Variants in FYB2 observed in about 807,000 individuals in gnomAD.
FYB2 encodes the protein FYN binding protein 2.
A neutral mutation model predicts 94.1 loss-of-function variants in FYB2; 103 were observed. That is an observed-to-expected ratio of 1.09 (90% CI 0.93 to 1.29). FYB2 has a LOEUF of 1.29. FYB2 is among the 50% of genes most tolerant of loss of function. FYB2 has a pLI of 0.00. For synonymous variants in FYB2, 293 were observed against 287.9 expected (o/e 1.02, Z -0.18); for missense variants, 896 against 841.5 (o/e 1.06, Z -0.80).
chr1:56,802,957 CTA>C (rs1272481881), intron 1 of FYB2, among the ~76,000 whole-genome samples: 1 of 152,312 alleles, frequency 6.6e-6, no homozygotes, highest in East Asian at 1.9e-4. Flanking sequence ...AGCAGCCTCT[CTA>C]TAAAATCTCT....
chr1:56,768,627 G>T (rs1254986648), intron 4 of FYB2, among the ~76,000 whole-genome samples: 1 of 152,056 alleles, frequency 6.6e-6, no homozygotes, highest in South Asian at 2.1e-4. Flanking sequence ...TCTTCTAAAG[G>T]CAAATCTGAA....
chr1:56,749,499 G>A (rs1645146481), intron 9 of FYB2, among the ~76,000 whole-genome samples: 1 of 151,556 alleles, frequency 6.6e-6, no homozygotes, highest in Non-Finnish European at 1.5e-5. Flanking sequence ...TGTAATCATT[G>A]GCATTTTATC....
Position 56,725,105 on chromosome 1 carries a change from C to T in FYB2, c.1880+1392G>A, listed in dbSNP as rs143742351. ...AGTAGAAGCAGCCTGAGGCCTTCAC[C>T]GAAGCAGATGCCAATGTCATGCTTC... is the stretch of plus-strand genomic sequence containing the variant. On this transcript the variant is annotated intron_variant, in intron 16 of 19. Coordinates refer to ENST00000343433, the MANE Select transcript of FYB2 (RefSeq NM_001004303.5). Among the ~76,000 whole-genome samples the T allele has an allele frequency of 3.0e-4, 46 of 152,082 alleles. 1 individual carries two copies. In the East Asian group the frequency reaches 6.8e-3, roughly 22 times the overall value.
intron 17 of FYB2, chr1:56,720,926 C>T (rs1369194216): frequency 6.6e-6 from 1 of 151,836 alleles, no homozygotes; most frequent in African/African-American, 2.4e-5. Flanking sequence ...TGCCTTAAAG[C>T]TTATAATATT....
intron 1 of FYB2, among the ~76,000 whole-genome samples, chr1:56,804,188 C>T (rs1264703699): frequency 6.6e-6 from 1 of 152,200 alleles, no homozygotes; most frequent in Non-Finnish European, 1.5e-5. Context: ...CAAGTAGATG[C>T]TTCATCTGCC....
intron 15 of FYB2, among the ~76,000 whole-genome samples, chr1:56,727,883 T>A (rs1430225151): frequency 1.3e-5 from 2 of 152,152 alleles, no homozygotes; most frequent in Non-Finnish European, 2.9e-5. Flanking sequence ...TTCAGTGCTA[T>A]GCACTTGTAG....
At position 56,797,020 on chromosome 1, in the gene FYB2, A is replaced by G. The variant is rs143010688; in HGVS notation, c.10-4217T>C. 3.0e-4 allele frequency among the ~76,000 whole-genome samples: 46 copies of G among 152,258 alleles called. No homozygotes were observed. The East Asian group carries it at 8.9e-3, about 29-fold the overall frequency. On this transcript the variant is annotated intron_variant, in intron 1 of 19. Transcript: ENST00000343433. ...TTTTAACATAATACAGGGAATTATT[A>G]AATATATGGCACAAAGTCTGTGGAG... is the stretch of plus-strand genomic sequence containing the variant.
At chr1:56,756,218 G>A (rs750673865) in intron 6 of FYB2, among the ~76,000 whole-genome samples, 6 of 152,160 alleles carry the variant, frequency 3.9e-5, no homozygotes, top group East Asian at 1.9e-4. Flanking sequence ...CATCGGAAAC[G>A]TAAATAACTT....
chr1:56,776,577 G>A (rs527609759), intron 4 of FYB2, among the ~76,000 whole-genome samples: 5 of 152,106 alleles, frequency 3.3e-5, no homozygotes, highest in East Asian at 1.9e-4. Flanking sequence ...AAATGACCAC[G>A]AGCCCTCATT....
chr1:56,750,498 C>A (rs531839503), intron 9 of FYB2, among the ~76,000 whole-genome samples: 1 of 151,884 alleles, frequency 6.6e-6, no homozygotes, highest in Non-Finnish European at 1.5e-5. Context: ...GCTAGGTGAA[C>A]CTCCTTTTCT....
In FYB2 at chr1:56,726,533, T is replaced by C. The variant is rs1305009911; in HGVS notation, c.1844A>G (p.Glu615Gly). ...TTCAGCACCGTTTTTCTCTTTTTTT[T>C]CCTTTGGTGTCAGAAACTTGGGCTT... is the stretch of plus-strand genomic sequence containing the variant. ...MWKPKFLTPK[E>G]KKEKNGAEES... is the part of the protein sequence containing the mutation. Residue 615 changes from glutamate to glycine, a missense_variant, in exon 16 of 20, where the codon GAA becomes GGA. Glu to Gly is a moderately conservative substitution (Grantham distance 98). Transcript: ENST00000343433. The C allele has an allele frequency of 7.4e-6, 12 of 1,612,458 alleles. No homozygotes were observed. The highest frequency in any genetic ancestry group is 8.5e-6 in the Non-Finnish European group (10 of 1,179,034).
rs766357831 is a variant in FYB2 at position 56,758,732 on chromosome 1, A to G, written c.1082T>C (p.Ile361Thr). ...EIADPTYEVGIEELQKPGKNF... is the reference protein window; with the variant it reads ...EIADPTYEVGTEELQKPGKNF... ...AAACAATACCTTTTGGAGTTCTTCA[A>G]TTCCAACTTCATAAGTTGCTAAAGT... The change falls in exon 6 of 20, where the codon ATT becomes ACT. Residue 361 changes from isoleucine to threonine, a missense_variant. Coordinates refer to ENST00000343433, the MANE Select transcript of FYB2 (RefSeq NM_001004303.5). 10 of 1,596,338 alleles carry G rather than the reference A, an allele frequency of 6.3e-6. No individual in the cohort carries two copies. The South Asian group carries it at 9.2e-5, about 15-fold the overall frequency.
intron 5 of FYB2, among the ~76,000 whole-genome samples, chr1:56,761,563 A>G (rs1324173440): frequency 1.3e-5 from 2 of 152,230 alleles, no homozygotes. Context: ...GCACTAGTCT[A>G]TATGACCTCT....
Position 56,738,534 on chromosome 1 carries a change from G to A in FYB2, c.1732+91C>T, listed in dbSNP as rs576547973. 27 of 1,264,208 alleles carry A rather than the reference G, an allele frequency of 2.1e-5. No homozygotes were observed. The African/African-American group carries it at 3.4e-4, about 16-fold the overall frequency. The allele number at this position is 1,264,208 out of a possible 1,614,324, so 78.3% of individuals were successfully genotyped here. On this transcript the variant is annotated intron_variant, in intron 14 of 19. Coordinates refer to ENST00000343433, the MANE Select transcript of FYB2 (RefSeq NM_001004303.5). ...TAGAGCAATTTTTCATCAAATGTGG[G>A]AATGCAGGAAGGGTTACCATTTCTC...
chr1:56,732,720 A>G lies in FYB2; in HGVS notation c.1793+4367T>C, dbSNP rs563436620. ...TTTGACAAAAACTCCAAGAACACTC[A>G]ATGGGGGAAGTACAGTCTTTTCAGT... On this transcript the variant is annotated intron_variant, in intron 15 of 19. Transcript: ENST00000343433. 2.6e-5 allele frequency among the ~76,000 whole-genome samples: 4 copies of G among 152,220 alleles called. No homozygotes were observed. In the South Asian group the frequency reaches 8.3e-4, roughly 32 times the overall value.
At chr1:56,738,563 C>T (rs1437694174) in intron 14 of FYB2, 62 bp downstream of exon 14, 3 of 1,484,102 alleles carry the variant, frequency 2.0e-6, no homozygotes, top group Non-Finnish European at 9.2e-7. Context: ...ATTTCTCTTT[C>T]CCTGCCTCTG....
intron 15 of FYB2, chr1:56,731,762 G>C (rs1350334938): frequency 6.6e-6 from 1 of 152,136 alleles, no homozygotes; most frequent in East Asian, 1.9e-4. Flanking sequence ...AATTTCAATA[G>C]ATGCAGAAAA....
intron 1 of FYB2, among the ~76,000 whole-genome samples, chr1:56,794,467 C>A (rs1646348339): frequency 6.6e-6 from 1 of 152,212 alleles, no homozygotes; most frequent in African/African-American, 2.4e-5. Flanking sequence ...CACAGACCAT[C>A]TCCATGGCAG....
Position 56,801,352 on chromosome 1 carries a change from A to G in FYB2, c.10-8549T>C, listed in dbSNP as rs561213937. 3.3e-5 allele frequency among the ~76,000 whole-genome samples: 5 copies of G among 152,258 alleles called. No individual in the cohort carries two copies. The East Asian group carries it at 9.7e-4, about 29-fold the overall frequency. On this transcript the variant is annotated intron_variant, in intron 1 of 19. Transcript: ENST00000343433. ...ACCAACTCCTGCAAAGGGCATATCA[A>G]ACTAAACCTACTGCTTCCCATTGAT... is the stretch of plus-strand genomic sequence containing the variant.
Sources: gnomAD v4.1 joint callset for allele counts (sites outside exome capture counted in the v4.1 genomes callset) on GRCh38, gnomAD v4.1.1 for gene constraint, MANE v1.5 for transcripts, NCBI Gene and HGNC (gene_info 2026-07-23, HGNC 2026-07-21) for gene names.